The following SOX5 variants were observed in gnomAD, a reference collection of about 807,000 sequenced individuals.
SOX5 encodes the protein transcription factor SOX-5.
In SOX5, 9 loss-of-function variants were observed where a neutral mutation model predicts 92.0. The ratio of observed to expected loss-of-function variants is 0.10; its 90% confidence interval spans 0.06 to 0.17. SOX5 has a LOEUF of 0.17. Among genes scored for constraint, SOX5 ranks in the 10% least tolerant of loss-of-function variants. The pLI is 1.00. For synonymous variants in SOX5, 344 were observed against 336.3 expected, an observed-to-expected ratio of 1.02 and a Z score of -0.25; for missense variants, 642 against 944.5, an observed-to-expected ratio of 0.68 and a Z score of 4.20.
intron 8 of SOX5, among the ~76,000 whole-genome samples, chr12:23,620,186 C>T (rs142023594): frequency 0.011 from 1,739 of 152,070 alleles, 9 homozygotes; most frequent in Non-Finnish European, 0.02. Flanking sequence ...AGAAAAACTA[C>T]GTGCTGGGAG....
chr12:24,464,207 TGTAA>T (rs1011688315), intron 1 of SOX5, among the ~76,000 whole-genome samples: 18 of 152,342 alleles, frequency 1.2e-4, no homozygotes, highest in Non-Finnish European at 2.1e-4. Flanking sequence ...GATGTGTGCA[TGTAA>T]GTATGTGTAC....
intron 2 of SOX5, among the ~76,000 whole-genome samples, chr12:23,863,248 T>C (rs10505909): frequency 0.093 from 14,154 of 152,282 alleles, 871 homozygotes; most frequent in East Asian, 0.23. Flanking sequence ...TGTATTACAA[T>C]GCTCTTTATC....
chr12:24,284,626 A>G (rs1945631981), intron 2 of SOX5, among the ~76,000 whole-genome samples: 1 of 152,170 alleles, frequency 6.6e-6, no homozygotes. Context: ...TGCCTCAGGC[A>G]GCAGACTCTT....
At chr12:23,758,913 C>A (rs916101715) in intron 3 of SOX5, among the ~76,000 whole-genome samples, 1 of 151,770 alleles carries the variant, frequency 6.6e-6, no homozygotes, top group Non-Finnish European at 1.5e-5. Context: ...GATGCTAGCA[C>A]CTTGAGGTTG....
chr12:23,864,427 T>C (rs1194297352), intron 2 of SOX5, among the ~76,000 whole-genome samples: 3 of 152,152 alleles, frequency 2.0e-5, no homozygotes, highest in African/African-American at 4.8e-5. Flanking sequence ...GAGAAAGGCA[T>C]GTGGAAAGCA....
intron 4 of SOX5, among the ~76,000 whole-genome samples, chr12:23,963,443 G>GT (rs1451193044): frequency 2.6e-5 from 4 of 152,196 alleles, no homozygotes; most frequent in South Asian, 4.2e-4. Flanking sequence ...CATATCTGCA[G>GT]TTTTTTTAAA....
In SOX5 at chr12:23,575,723, C is replaced by T. The variant is rs780885506; in HGVS notation, c.1280G>A (p.Gly427Asp). Residue 427 changes from glycine to aspartate, a missense_variant, in exon 10 of 15, where the codon GGC becomes GAC. Gly to Asp is a moderately conservative substitution (Grantham distance 94). Around this residue, in one of 8 missense-constraint regions of SOX5, gnomAD observed 324 missense variants for 461.6 expected, o/e 0.70. Coordinates refer to ENST00000451604, the MANE Select transcript of SOX5 (RefSeq NM_006940.6). ...MPALRINSGA[G>D]PLKASVPAAL... ...TGCTGGGACAGAGGCTTTGAGGGGGCCTGCCCCACTGTTTATTCTCAGAGC... is the reference window on the plus strand; with the variant it reads ...TGCTGGGACAGAGGCTTTGAGGGGGTCTGCCCCACTGTTTATTCTCAGAGC... 1.4e-4 allele frequency: 230 copies of T among 1,613,908 alleles called. No individual in the cohort carries two copies. The highest frequency in any genetic ancestry group is 1.7e-4 in the Non-Finnish European group (196 of 1,179,918).
chr12:24,403,288 T>C (rs1444334708), intron 1 of SOX5, among the ~76,000 whole-genome samples: 1 of 152,208 alleles, frequency 6.6e-6, no homozygotes, highest in Non-Finnish European at 1.5e-5. Context: ...TCCCTAAGTA[T>C]TGCACTTATT....
chr12:24,374,839 T>C (rs1213789570), intron 1 of SOX5, among the ~76,000 whole-genome samples: 1 of 152,192 alleles, frequency 6.6e-6, no homozygotes, highest in Non-Finnish European at 1.5e-5. Flanking sequence ...GTTTCTTTAG[T>C]TGGGACAGAG....
intron 3 of SOX5, among the ~76,000 whole-genome samples, chr12:23,778,282 C>G (rs1170450388): frequency 2.6e-5 from 4 of 152,096 alleles, no homozygotes; most frequent in Non-Finnish European, 5.9e-5. Context: ...AGAATAGTTG[C>G]TATTATTTTC....
At chr12:24,375,098 G>C (rs976209068) in intron 1 of SOX5, among the ~76,000 whole-genome samples, 16 of 151,834 alleles carry the variant, frequency 1.1e-4, no homozygotes, top group Non-Finnish European at 1.8e-4. Context: ...TCAGCCTCCC[G>C]AGTAGCTGGA....
chr12:24,299,429 A>AC (rs973242357), intron 2 of SOX5, among the ~76,000 whole-genome samples: 26 of 149,958 alleles, frequency 1.7e-4, no homozygotes, highest in African/African-American at 6.1e-4. Flanking sequence ...TATTTTAAGT[A>AC]TTTTTTTTTT....
At position 24,288,891 on chromosome 12, in the gene SOX5, C is replaced by A. The variant is rs184800222; in HGVS notation, c.-173-11579G>T. Among the ~76,000 whole-genome samples, 170 of 151,606 alleles carry A rather than the reference C, an allele frequency of 1.1e-3. 1 individual carries two copies. The highest frequency in any genetic ancestry group is 6.8e-3 in the Middle Eastern group (2 of 294). ...ATTATAATAATTAATAATCTATTCT[C>A]AGAGAACCTTTTATTCTTTGCCACA... On this transcript the variant is annotated intron_variant, in intron 2 of 4. Transcript: ENST00000446891.
intron 14 of SOX5, among the ~76,000 whole-genome samples, chr12:23,535,179 T>G (rs886244818): frequency 3.0e-4 from 46 of 152,240 alleles, no homozygotes; most frequent in African/African-American, 1.1e-3. Flanking sequence ...TCTTTCATTA[T>G]AACATGCAGA....
rs1349022959 is a variant in SOX5, at chr12:23,711,583, A to G, written c.810+23101T>C. Among the ~76,000 whole-genome samples the G allele has an allele frequency of 2.6e-5, 4 of 152,172 alleles. No individual in the cohort carries two copies. The East Asian group carries it at 7.7e-4, about 29-fold the overall frequency. ...TAATACATTATTTTTTTCTGTTTCA[A>G]TGTGTCTTATGAAAAGATATGCTGA... On this transcript the variant is annotated intron_variant, in intron 6 of 14. Coordinates refer to ENST00000451604, the MANE Select transcript of SOX5 (RefSeq NM_006940.6).
chr12:23,868,099 CCCTTCTTCCCTG>C (rs1461905422), intron 2 of SOX5, among the ~76,000 whole-genome samples: 2 of 151,776 alleles, frequency 1.3e-5, no homozygotes, highest in Non-Finnish European at 2.9e-5. Flanking sequence ...TTCCTTCCCT[CCCTTCTTCCCTG>C]CCTTCCACTT....
At chr12:24,053,368 G>A (rs948387038) in intron 4 of SOX5, among the ~76,000 whole-genome samples, 1 of 152,042 alleles carries the variant, frequency 6.6e-6, no homozygotes, top group African/African-American at 2.4e-5. Context: ...GACCTCAGGT[G>A]ATCTGCCCGC....
At chr12:24,480,840 T>C (rs1392544673) in intron 1 of SOX5, among the ~76,000 whole-genome samples, 1 of 152,112 alleles carries the variant, frequency 6.6e-6, no homozygotes, top group Non-Finnish European at 1.5e-5. Context: ...TATGGTGACC[T>C]GTTTGGAGTT....
chr12:24,091,428 AT>A (rs556198750), intron 4 of SOX5, among the ~76,000 whole-genome samples: 18,345 of 122,374 alleles, frequency 0.15, 1,105 homozygotes, highest in Middle Eastern at 0.3. Flanking sequence ...AGAGAATGCT[AT>A]TTTTTTTTTT....
Sources: gnomAD v4.1 joint callset for allele counts (sites outside exome capture counted in the v4.1 genomes callset) on GRCh38, gnomAD v4.1.1 for gene constraint, gnomAD v4.1.1 regional missense constraint, MANE v1.5 for transcripts, NCBI Gene and HGNC (gene_info 2026-07-23, HGNC 2026-07-21) for gene names.